Variants in NKAIN3 observed in about 807,000 individuals in gnomAD.
The protein encoded by NKAIN3 is sodium/potassium transporting ATPase interacting 3, also known as sodium/potassium-transporting ATPase subunit beta-1-interacting protein 3.
In NKAIN3, 25 loss-of-function variants were observed where a neutral mutation model predicts 30.2. The ratio of observed to expected loss-of-function variants is 0.83; its 90% CI spans 0.60 to 1.16. NKAIN3 has a LOEUF of 1.16. Ranked by LOEUF, NKAIN3 falls within the 50% of genes most tolerant of loss-of-function variation. NKAIN3 has a pLI of 0.00. For missense variants in NKAIN3, 225 were observed against 254.1 expected (o/e 0.89, Z 0.78); for synonymous variants, 91 against 89.6 (o/e 1.02, Z -0.09).
intron 4 of NKAIN3, among the ~76,000 whole-genome samples, chr8:62,852,856 C>T (rs1242684625): frequency 3.3e-5 from 5 of 152,046 alleles, no homozygotes; most frequent in East Asian, 1.9e-4. Context: ...CATTTGCTGA[C>T]GAGTGCTTAA....
intron 3 of NKAIN3, among the ~76,000 whole-genome samples, chr8:62,629,955 G>T (rs982446464): frequency 6.6e-6 from 1 of 151,878 alleles, no homozygotes; most frequent in Non-Finnish European, 1.5e-5. Context: ...ACTTTCCATG[G>T]TTCCAGTTAC....
At chr8:62,732,355 A>G (rs533857207) in intron 3 of NKAIN3, among the ~76,000 whole-genome samples, 4 of 152,110 alleles carry the variant, frequency 2.6e-5, no homozygotes, top group African/African-American at 7.2e-5. Flanking sequence ...TTTCTTCTCA[A>G]TGAATGAAGT....
intron 1 of NKAIN3, among the ~76,000 whole-genome samples, chr8:62,361,010 TAA>T (rs3085311): frequency 6.8e-6 from 1 of 146,080 alleles, no homozygotes; most frequent in Non-Finnish European, 1.5e-5. Flanking sequence ...ATTCCCCAGC[TAA>T]AAAAAAAAAA....
At chr8:62,738,615 A>AAAG (rs990692519) in intron 3 of NKAIN3, among the ~76,000 whole-genome samples, 8 of 151,714 alleles carry the variant, frequency 5.3e-5, no homozygotes, top group African/African-American at 1.5e-4. Context: ...AAAAAAAAAA[A>AAAG]AAAGTCCTCT....
At chr8:62,597,258 G>A (rs1283534778) in intron 3 of NKAIN3, among the ~76,000 whole-genome samples, 1 of 152,016 alleles carries the variant, frequency 6.6e-6, no homozygotes, top group Non-Finnish European at 1.5e-5. Context: ...CTTGGGTTAG[G>A]GCCTTCTTTA....
chr8:62,656,012 T>C (rs1812752223), intron 3 of NKAIN3, among the ~76,000 whole-genome samples: 1 of 152,064 alleles, frequency 6.6e-6, no homozygotes, highest in Admixed American at 6.6e-5. Context: ...GAATCATCTC[T>C]GGCCAAACCT....
At chr8:62,740,520 C>T (rs952674093) in intron 3 of NKAIN3, among the ~76,000 whole-genome samples, 4 of 151,986 alleles carry the variant, frequency 2.6e-5, no homozygotes, top group African/African-American at 9.7e-5. Flanking sequence ...GAAAGCATTA[C>T]ATTTAAATTA....
chr8:62,264,343 G>A (rs1348560105), intron 1 of NKAIN3, among the ~76,000 whole-genome samples: 4 of 152,164 alleles, frequency 2.6e-5, no homozygotes, highest in Non-Finnish European at 5.9e-5. Context: ...TATTGACAGA[G>A]TCAAGACAGT....
chr8:62,661,358 C>T (rs1019601294), intron 3 of NKAIN3, among the ~76,000 whole-genome samples: 1 of 152,188 alleles, frequency 6.6e-6, no homozygotes, highest in African/African-American at 2.4e-5. Context: ...CAGCTCACAG[C>T]TTCTTGACTT....
At chr8:62,383,881 C>CTTTT (rs202071193) in intron 1 of NKAIN3, among the ~76,000 whole-genome samples, 19,591 of 145,522 alleles carry the variant, frequency 0.13, 1,555 homozygotes, top group East Asian at 0.39. Flanking sequence ...CATGAATTTT[C>CTTTT]TTTTTTTTTT....
At chr8:62,561,993 C>T (rs1366436237) in intron 1 of NKAIN3, among the ~76,000 whole-genome samples, 2 of 151,976 alleles carry the variant, frequency 1.3e-5, no homozygotes, top group African/African-American at 4.8e-5. Flanking sequence ...TTCCTGGAAG[C>T]AAGAATGAGG....
At chr8:62,616,460 C>T (rs1003511649) in intron 3 of NKAIN3, among the ~76,000 whole-genome samples, 1 of 152,084 alleles carries the variant, frequency 6.6e-6, no homozygotes, top group African/African-American at 2.4e-5. Flanking sequence ...TCAGGAGCAG[C>T]CAAACGGAAG....
chr8:62,874,510 C>CA (rs1563606523), intron 4 of NKAIN3, among the ~76,000 whole-genome samples: 1 of 151,998 alleles, frequency 6.6e-6, no homozygotes, highest in Admixed American at 6.6e-5. Flanking sequence ...AGAGACGCAA[C>CA]AAAAAAAGAA....
At chr8:62,302,868 C>T (rs1486184304) in intron 1 of NKAIN3, among the ~76,000 whole-genome samples, 1 of 142,230 alleles carries the variant, frequency 7.0e-6, no homozygotes, top group Non-Finnish European at 1.5e-5. Flanking sequence ...TTCTCATGCT[C>T]CCTGGGATTT....
chr8:62,365,680 A>G (rs1039894775), intron 1 of NKAIN3, among the ~76,000 whole-genome samples: 12 of 152,190 alleles, frequency 7.9e-5, no homozygotes, highest in African/African-American at 4.8e-5. Context: ...CAGATCTTCA[A>G]CTTCACTAAG....
At chr8:62,629,841 TA>T (rs1698895694) in intron 3 of NKAIN3, among the ~76,000 whole-genome samples, 1 of 152,142 alleles carries the variant, frequency 6.6e-6, no homozygotes, top group African/African-American at 2.4e-5. Flanking sequence ...ATAAACCTTA[TA>T]TATGGATCTG....
At chr8:62,338,607 G>T (rs909057026) in intron 1 of NKAIN3, among the ~76,000 whole-genome samples, 2 of 151,930 alleles carry the variant, frequency 1.3e-5, no homozygotes, top group African/African-American at 2.4e-5. Context: ...TATATATAGA[G>T]AGAGGGGAGT....
chr8:62,627,097 A>G lies in NKAIN3; in HGVS notation c.273+37303A>G, dbSNP rs561308382. On this transcript the variant is annotated intron_variant, in intron 3 of 6. Coordinates refer to ENST00000623646, the MANE Select transcript of NKAIN3 (RefSeq NM_001304533.3). Reference sequence around the variant, plus strand: ...CCCCCAACGCCTCGGGGCAACTGGGAGATATAATGGACAGAATACACAATC... The same window carrying G: ...CCCCCAACGCCTCGGGGCAACTGGGGGATATAATGGACAGAATACACAATC... Among the ~76,000 whole-genome samples the G allele has an allele frequency of 3.6e-4, 55 of 152,254 alleles. No homozygotes were observed. The South Asian group carries it at 0.011, about 30-fold the overall frequency.
rs1411341026 is a variant in NKAIN3, at chr8:62,881,433, T to TC, written c.472-37018dup. On this transcript the variant is annotated intron_variant, in intron 4 of 6. Transcript: ENST00000623646. ...TCACTTAGTAATGTGCACTTAAGTT[T>TC]CCTCCATGTCTTTTTACTACTCAAC... Among the ~76,000 whole-genome samples, 6 of 152,322 alleles carry TC rather than the reference T, an allele frequency of 3.9e-5. No individual in the cohort carries two copies. In the South Asian group the frequency reaches 1.0e-3, roughly 26 times the overall value.
Sources: gnomAD v4.1 joint callset for allele counts (sites outside exome capture counted in the v4.1 genomes callset) on GRCh38, gnomAD v4.1.1 for gene constraint, MANE v1.5 for transcripts, NCBI Gene and HGNC (gene_info 2026-07-23, HGNC 2026-07-21) for gene names.